The following SMAGP variants were observed in gnomAD, a reference collection of about 807,000 sequenced individuals.
SMAGP encodes small cell transmembrane and glycosylated protein.
In SMAGP, 7 loss-of-function variants were observed where a neutral mutation model predicts 10.1. The observed-to-expected ratio is 0.70, with a 90% confidence interval of 0.40 to 1.31. The LOEUF is 1.31. Ranked by LOEUF, SMAGP falls within the 50% of genes most tolerant of loss-of-function variation. SMAGP has a pLI of 0.01. For missense variants in SMAGP, 113 were observed against 116.5 expected, an observed-to-expected ratio of 0.97 and a Z score of 0.14; for synonymous variants, 49 against 47.2, an observed-to-expected ratio of 1.04 and a Z score of -0.16.
intron 2 of SMAGP, among the ~76,000 whole-genome samples, chr12:51,267,477 A>G (rs201307295): frequency 1.7e-5 from 1 of 58,636 alleles, no homozygotes; most frequent in Non-Finnish European, 3.5e-5. Flanking sequence ...CCCCCCCCCC[A>G]CTCCGTGTCC....
intron 2 of SMAGP, among the ~76,000 whole-genome samples, chr12:51,264,931 C>G (rs1247749589): frequency 7.4e-6 from 1 of 135,946 alleles, no homozygotes; most frequent in Non-Finnish European, 1.5e-5. Context: ...GACTCCATCG[C>G]CAGAAAAAAA....
At chr12:51,264,201 C>T (rs1944953310) in intron 2 of SMAGP, among the ~76,000 whole-genome samples, 1 of 152,052 alleles carries the variant, frequency 6.6e-6, no homozygotes. Flanking sequence ...TTTAGTGATC[C>T]CATCATTTAA....
intron 2 of SMAGP, among the ~76,000 whole-genome samples, chr12:51,263,276 G>C (rs1351334729): frequency 1.3e-5 from 2 of 151,764 alleles, no homozygotes; most frequent in African/African-American, 4.8e-5. Context: ...CCAGCTACTC[G>C]GGAGGCTGAG....
intron 2 of SMAGP, among the ~76,000 whole-genome samples, chr12:51,250,204 C>CAAA (rs11289025): frequency 2.6e-4 from 26 of 98,930 alleles, no homozygotes; most frequent in African/African-American, 8.8e-4. Flanking sequence ...ACTCTGTCTA[C>CAAA]AAAAAAAAAA....
intron 2 of SMAGP, among the ~76,000 whole-genome samples, chr12:51,266,684 T>C (rs1565661208): frequency 6.6e-6 from 1 of 152,176 alleles, no homozygotes; most frequent in Non-Finnish European, 1.5e-5. Context: ...ATAGATGGGG[T>C]TCAGTACTAT....
At chr12:51,252,095 A>T (rs1480107007) in intron 2 of SMAGP, among the ~76,000 whole-genome samples, 1 of 145,868 alleles carries the variant, frequency 6.9e-6, no homozygotes, top group Non-Finnish European at 1.5e-5. Flanking sequence ...TCTACATCAG[A>T]TTTTTTTTTT....
chr12:51,259,471 C>T (rs1046085797), intron 2 of SMAGP, among the ~76,000 whole-genome samples: 3 of 152,118 alleles, frequency 2.0e-5, no homozygotes, highest in African/African-American at 7.2e-5. Flanking sequence ...CTGATAAACA[C>T]AGACACATTT....
chr12:51,258,193 AG>A (rs1441961078), intron 2 of SMAGP, among the ~76,000 whole-genome samples: 1 of 152,128 alleles, frequency 6.6e-6, no homozygotes, highest in African/African-American at 2.4e-5. Context: ...ATTACAAAAT[AG>A]GATGTAAGAT....
chr12:51,266,081 C>CA (rs947562933), intron 2 of SMAGP, among the ~76,000 whole-genome samples: 212 of 133,934 alleles, frequency 1.6e-3, no homozygotes, highest in East Asian at 6.9e-3. Context: ...GACTCCGTCT[C>CA]AAAAAAAAAA....
At chr12:51,259,371 C>T (rs1292341269) in intron 2 of SMAGP, among the ~76,000 whole-genome samples, 1 of 152,094 alleles carries the variant, frequency 6.6e-6, no homozygotes. Flanking sequence ...GCCTGAACAA[C>T]ACAAAGTGCT....
At chr12:51,249,457 C>T (rs1944814678) in intron 2 of SMAGP, among the ~76,000 whole-genome samples, 1 of 151,992 alleles carries the variant, frequency 6.6e-6, no homozygotes, top group Admixed American at 6.6e-5. Flanking sequence ...TAGATAGTGT[C>T]AGAATTGAAT....
chr12:51,270,124 C>G (rs1945017060), intron 1 of SMAGP, 132 bp downstream of exon 1: 1 of 152,098 alleles, frequency 6.6e-6, no homozygotes, highest in African/African-American at 2.4e-5. Context: ...TTCCCAGCCG[C>G]CGCGACCCTC....
chr12:51,248,418 ACACACACACACACACACTCTCTCTCTCT>A (rs1944801024), intron 2 of SMAGP, among the ~76,000 whole-genome samples: 3 of 110,434 alleles, frequency 2.7e-5, no homozygotes, highest in East Asian at 3.5e-4. Flanking sequence ...ACACACACAC[ACACACACACACACACACTCTCTCTCTCT>A]CTCTCTCTCT....
At chr12:51,246,668 A>G (rs1245536534) in intron 3 of SMAGP, 83 bp downstream of exon 3, 1 of 901,450 alleles carries the variant, frequency 1.1e-6, no homozygotes, top group Admixed American at 3.4e-5. Context: ...GAGTGAGCCC[A>G]TTAATGGATT....
chr12:51,250,309 G>C (rs1944825173), intron 2 of SMAGP, among the ~76,000 whole-genome samples: 1 of 152,034 alleles, frequency 6.6e-6, no homozygotes, highest in Non-Finnish European at 1.5e-5. Flanking sequence ...TTGAGCCCAG[G>C]GGGTTAAGCC....
intron 2 of SMAGP, among the ~76,000 whole-genome samples, chr12:51,255,226 G>T (rs1015416462): frequency 9.9e-5 from 15 of 152,100 alleles, no homozygotes; most frequent in African/African-American, 3.4e-4. Flanking sequence ...TGGAGAGACG[G>T]GGTCTTGCTA....
intron 2 of SMAGP, among the ~76,000 whole-genome samples, chr12:51,265,315 C>T (rs1026368824): frequency 6.6e-6 from 1 of 152,034 alleles, no homozygotes; most frequent in East Asian, 1.9e-4. Context: ...GGTGGATCCT[C>T]AAAAAAATCA....
chr12:51,264,153 G>C (rs760213887), intron 2 of SMAGP, among the ~76,000 whole-genome samples: 1 of 152,126 alleles, frequency 6.6e-6, no homozygotes, highest in African/African-American at 2.4e-5. Context: ...GGTGGGGGAA[G>C]AGAAATGCAA....
rs1344845238 is a variant in SMAGP, at chr12:51,247,360, A to G, written c.35-529T>C. ...AATTCTTTGTAAACATTATTTTAAC[A>G]TAATGAAATAGTGCTCCTCTCCTAT... On this transcript the variant is annotated intron_variant, in intron 2 of 3. Transcript: ENST00000603798. 2.0e-5 allele frequency among the ~76,000 whole-genome samples: 3 copies of G among 152,216 alleles called. No homozygotes were observed. The East Asian group carries it at 5.8e-4, about 29-fold the overall frequency.
Sources: allele counts gnomAD v4.1 joint callset (sites outside exome capture counted in the v4.1 genomes callset), GRCh38; gene constraint gnomAD v4.1.1; transcripts MANE v1.5; gene names NCBI Gene and HGNC (gene_info 2026-07-23, HGNC 2026-07-21).